Variants in IHO1 observed in about 807,000 individuals in gnomAD.
The protein encoded by IHO1 is interactor of HORMAD1 protein 1.
IHO1 carries 13 observed loss-of-function variants against 31.0 expected under a neutral mutation model. That is an observed-to-expected ratio of 0.42 (90% confidence interval 0.27 to 0.67). IHO1 has a LOEUF of 0.67. Among genes scored for constraint, IHO1 ranks in the 30% least tolerant of loss-of-function variants. The probability of loss-of-function intolerance (pLI) is 0.24; values close to 1 mark genes in which losing one functional copy is unlikely to be tolerated. For synonymous variants in IHO1, 221 were observed against 248.4 expected (o/e 0.89, Z 1.04); for missense variants, 599 against 687.5 (o/e 0.87, Z 1.44).
chr3:49,243,717 C>A, intron 4 of IHO1, among the ~76,000 whole-genome samples: 1 of 139,836 alleles, frequency 7.2e-6, no homozygotes. Context: ...GAGATCGTGC[C>A]ACTGCACTCC....
chr3:49,252,288 T>G (rs1235918844), intron 6 of IHO1: 1 of 154,486 alleles, frequency 6.5e-6, no homozygotes, highest in Non-Finnish European at 1.5e-5. Flanking sequence ...ACTGAGGGAG[T>G]GAGGCATATG....
At chr3:49,236,891 G>A (rs533687101) in intron 3 of IHO1, among the ~76,000 whole-genome samples, 169 bp downstream of exon 3, 1 of 152,062 alleles carries the variant, frequency 6.6e-6, no homozygotes, top group South Asian at 2.1e-4. Context: ...AGACCAGCCT[G>A]GGCAACATGG....
intron 1 of IHO1, among the ~76,000 whole-genome samples, chr3:49,202,726 A>G (rs1219541605): frequency 6.6e-6 from 1 of 150,964 alleles, no homozygotes; most frequent in East Asian, 1.9e-4. Context: ...CCCAGGCTGG[A>G]GTACGATGGC....
intron 2 of IHO1, among the ~76,000 whole-genome samples, chr3:49,223,606 G>A (rs1238433930): frequency 1.3e-5 from 2 of 151,994 alleles, no homozygotes; most frequent in Admixed American, 6.6e-5. Context: ...CAGGAGAATG[G>A]CGCGAACCCG....
At chr3:49,213,554 G>C (rs955324255) in intron 2 of IHO1, among the ~76,000 whole-genome samples, 3 of 152,322 alleles carry the variant, frequency 2.0e-5, no homozygotes, top group Admixed American at 2.0e-4. Flanking sequence ...TCAGCCCTTG[G>C]GTGGTCGATG....
chr3:49,207,477 C>CT (rs1428494475), intron 1 of IHO1, among the ~76,000 whole-genome samples: 1 of 151,926 alleles, frequency 6.6e-6, no homozygotes, highest in African/African-American at 2.4e-5. Context: ...ATCTTTTGAC[C>CT]TTGTGATCTG....
At chr3:49,217,162 C>A (rs533886293) in intron 2 of IHO1, among the ~76,000 whole-genome samples, 2 of 152,190 alleles carry the variant, frequency 1.3e-5, no homozygotes, top group Non-Finnish European at 2.9e-5. Context: ...GATTATAAAT[C>A]ATTAACTGAT....
At chr3:49,197,027 C>T (rs964169407), upstream of IHO1, among the ~76,000 whole-genome samples, 1 of 144,304 alleles carries the variant, frequency 6.9e-6, no homozygotes, top group Non-Finnish European at 1.5e-5. Context: ...GTTGCCCAGG[C>T]TGGAGTGCCG....
At chr3:49,193,780 G>A (rs1184155383), upstream of IHO1, among the ~76,000 whole-genome samples, 2 of 151,092 alleles carry the variant, frequency 1.3e-5, 1 homozygote, top group African/African-American at 4.9e-5. Context: ...TGGCCAACAT[G>A]GTGAAACCCC....
chr3:49,241,234 T>C lies in IHO1; in HGVS notation c.240T>C (p.Pro80=). 1 of 1,597,494 alleles carries C rather than the reference T, an allele frequency of 6.3e-7. No individual in the cohort carries two copies. The highest frequency in any genetic ancestry group is 8.5e-7 in the Non-Finnish European group (1 of 1,174,064). The change falls in exon 4 of 8, where the codon CCT becomes CCC. Residue 80 remains proline, a synonymous_variant. Coordinates refer to ENST00000452691, the MANE Select transcript of IHO1 (RefSeq NM_001135197.2). ...TTTTTTTCATTTAACAGGGTGAACC[T>C]AGCATTTTCACAAAGTACCAGACAA... ...QSQQNYLEGE[P]SIFTKYQTKP...
At chr3:49,191,742 T>C in the IHO1 span, 1 of 1,587,470 alleles carries the variant, frequency 6.3e-7, no homozygotes, top group South Asian at 1.1e-5. Flanking sequence ...AGTGCACTCT[T>C]ACCCAGGAGC....
rs1354184240 is a variant in IHO1, at chr3:49,214,638, T to A, written c.56+2802T>A. 7.3e-4 allele frequency among the ~76,000 whole-genome samples: 20 copies of A among 27,572 alleles called. No homozygotes were observed. In the East Asian group the frequency reaches 0.14, roughly 190 times the overall value. 18.1% of individuals were successfully genotyped at this position (27,572 alleles called of 152,430 possible). A position where few individuals can be genotyped will look rare whatever the true frequency, so the allele number is the denominator to read the frequency against. On this transcript the variant is annotated intron_variant, in intron 2 of 7. Transcript: ENST00000452691. ...TATATATATATATATATATATTTTTTTTTTTTTTTTTTTTTTTTGAGACGG... is the reference window on the plus strand; with the variant it reads ...TATATATATATATATATATATTTTTATTTTTTTTTTTTTTTTTTGAGACGG...
chr3:49,237,533 C>T (rs367903048), intron 3 of IHO1, among the ~76,000 whole-genome samples: 30 of 151,968 alleles, frequency 2.0e-4, no homozygotes, highest in African/African-American at 6.5e-4. Context: ...TTTATATTTG[C>T]GGTTTCTTCT....
At chr3:49,206,981 A>G (rs1231735372) in intron 1 of IHO1, among the ~76,000 whole-genome samples, 1 of 149,362 alleles carries the variant, frequency 6.7e-6, no homozygotes, top group African/African-American at 2.5e-5. Context: ...CCAGGAGGCA[A>G]ATGTTGCAGT....
upstream of IHO1, among the ~76,000 whole-genome samples, chr3:49,194,066 A>G (rs1478112429): frequency 9.2e-5 from 13 of 141,028 alleles, no homozygotes; most frequent in Admixed American, 3.6e-4. Context: ...TCAGGAATTC[A>G]AGACCAGCCT....
intron 2 of IHO1, among the ~76,000 whole-genome samples, chr3:49,225,708 A>G (rs1366510086): frequency 1.3e-5 from 2 of 152,220 alleles, no homozygotes; most frequent in African/African-American, 2.4e-5. Flanking sequence ...AAGTCTCCCA[A>G]TTACAACTGA....
At chr3:49,218,128 GC>G (rs1374554599) in intron 2 of IHO1, among the ~76,000 whole-genome samples, 1 of 152,064 alleles carries the variant, frequency 6.6e-6, no homozygotes, top group African/African-American at 2.4e-5. Flanking sequence ...TGAGCTGGCT[GC>G]CCCCATGAGC....
intron 6 of IHO1, among the ~76,000 whole-genome samples, chr3:49,248,155 G>C (rs1337247800): frequency 6.8e-6 from 1 of 147,176 alleles, no homozygotes; most frequent in Non-Finnish European, 1.5e-5. Flanking sequence ...AGGTGTGGTG[G>C]CTCACGCCTG....
At chr3:49,218,435 C>T (rs2046315528) in intron 2 of IHO1, among the ~76,000 whole-genome samples, 1 of 136,212 alleles carries the variant, frequency 7.3e-6, no homozygotes, top group African/African-American at 2.8e-5. Flanking sequence ...GGCTGGAGTG[C>T]AGTGGATGCA....
Sources: gnomAD v4.1 joint callset for allele counts (sites outside exome capture counted in the v4.1 genomes callset) on GRCh38, gnomAD v4.1.1 for gene constraint, MANE v1.5 for transcripts, NCBI Gene and HGNC (gene_info 2026-07-23, HGNC 2026-07-21) for gene names.